The following EEF1AKMT1 variants were observed in gnomAD, a reference collection of about 807,000 sequenced individuals.
EEF1AKMT1 encodes the protein N-6 adenine-specific DNA methyltransferase 2 (putative).
Under a neutral mutation model 21.0 loss-of-function variants are expected in EEF1AKMT1, and 18 were observed. The observed-to-expected ratio is 0.86, with a 90% CI of 0.59 to 1.27. The LOEUF (loss-of-function observed/expected upper bound fraction) is 1.27. EEF1AKMT1 is among the 50% of genes most tolerant of loss of function. EEF1AKMT1 has a pLI of 0.00. For missense variants in EEF1AKMT1, 246 were observed against 258.6 expected (o/e 0.95, Z 0.33); for synonymous variants, 109 against 94.8 (o/e 1.15, Z -0.87).
intron 2 of EEF1AKMT1, among the ~76,000 whole-genome samples, chr13:20,739,360 A>T (rs535157545): frequency 1.3e-5 from 2 of 152,298 alleles, no homozygotes; most frequent in South Asian, 4.1e-4. Flanking sequence ...TGCCGCCGCT[A>T]AGCAGGGGCA....
chr13:20,736,580 C>G (rs1413732388), intron 3 of EEF1AKMT1, among the ~76,000 whole-genome samples: 4 of 151,890 alleles, frequency 2.6e-5, no homozygotes, highest in African/African-American at 9.7e-5. Context: ...ACCATGCACA[C>G]TGGGACAGGT....
intron 1 of EEF1AKMT1, among the ~76,000 whole-genome samples, chr13:20,765,407 T>TTTTTG (rs1192536114): frequency 9.6e-5 from 11 of 114,128 alleles, no homozygotes; most frequent in African/African-American, 3.7e-4. Flanking sequence ...TCCCTTGGGT[T>TTTTTG]TTTTTTTTTT....
intron 1 of EEF1AKMT1, among the ~76,000 whole-genome samples, chr13:20,773,667 G>A (rs572761742): frequency 6.6e-6 from 1 of 152,336 alleles, no homozygotes; most frequent in South Asian, 2.1e-4. Flanking sequence ...AACGTGCGCG[G>A]CACAGGACGC....
At chr13:20,770,282 T>C (rs1355434949) in intron 1 of EEF1AKMT1, among the ~76,000 whole-genome samples, 1 of 151,666 alleles carries the variant, frequency 6.6e-6, no homozygotes, top group Non-Finnish European at 1.5e-5. Context: ...GAAAGTAGAA[T>C]TGTGGTTGCT....
At chr13:20,743,874 T>C (rs915655668) in intron 2 of EEF1AKMT1, among the ~76,000 whole-genome samples, 2 of 152,060 alleles carry the variant, frequency 1.3e-5, no homozygotes, top group Non-Finnish European at 2.9e-5. Flanking sequence ...CACTGTGTGA[T>C]GTTCCCCTCC....
At chr13:20,748,728 T>TGTTG (rs1412112016) in intron 2 of EEF1AKMT1, among the ~76,000 whole-genome samples, 20 of 122,776 alleles carry the variant, frequency 1.6e-4, no homozygotes, top group South Asian at 8.9e-4. Flanking sequence ...TTTTTTTGGT[T>TGTTG]TTTTTTTTTT....
At chr13:20,761,109 C>T (rs540010553) in intron 1 of EEF1AKMT1, among the ~76,000 whole-genome samples, 3 of 152,246 alleles carry the variant, frequency 2.0e-5, no homozygotes, top group East Asian at 1.9e-4. Context: ...TATTTGCAGG[C>T]GTATGCACAT....
chr13:20,731,196 G>C (rs2058793211), intron 4 of EEF1AKMT1, among the ~76,000 whole-genome samples: 1 of 152,232 alleles, frequency 6.6e-6, no homozygotes, highest in Non-Finnish European at 1.5e-5. Context: ...AATTTTTGTA[G>C]AGATGGAGTC....
intron 2 of EEF1AKMT1, among the ~76,000 whole-genome samples, chr13:20,754,123 G>A (rs1173873039): frequency 2.0e-5 from 3 of 152,082 alleles, no homozygotes; most frequent in Non-Finnish European, 4.4e-5. Flanking sequence ...TTGCTTCAAT[G>A]CATAGGACTC....
intron 1 of EEF1AKMT1, among the ~76,000 whole-genome samples, chr13:20,761,750 T>C (rs1236894975): frequency 6.6e-6 from 1 of 152,198 alleles, no homozygotes; most frequent in African/African-American, 2.4e-5. Context: ...CATGTAGTTG[T>C]TTTTGAAATG....
chr13:20,759,308 C>T (rs563801072), intron 1 of EEF1AKMT1, among the ~76,000 whole-genome samples: 1 of 152,234 alleles, frequency 6.6e-6, no homozygotes, highest in African/African-American at 2.4e-5. Context: ...GGCCGGGCGC[C>T]GTGGCTCACG....
intron 1 of EEF1AKMT1, among the ~76,000 whole-genome samples, chr13:20,773,611 G>A (rs946326313): frequency 6.6e-6 from 1 of 152,236 alleles, no homozygotes; most frequent in African/African-American, 2.4e-5. Context: ...GTAGCCTGGG[G>A]GTTAATTTCC....
intron 1 of EEF1AKMT1, 67 bp from the exon 2 acceptor site, chr13:20,757,684 A>T (rs553223477): frequency 2.4e-5 from 32 of 1,307,386 alleles, no homozygotes; most frequent in Admixed American, 7.7e-5. Flanking sequence ...AATAATTTTT[A>T]AAAATTTTTA....
intron 2 of EEF1AKMT1, among the ~76,000 whole-genome samples, chr13:20,739,223 G>C (rs943981267): frequency 6.6e-6 from 1 of 152,166 alleles, no homozygotes; most frequent in African/African-American, 2.4e-5. Flanking sequence ...AGTGAAGCTG[G>C]AGACCTTCAC....
chr13:20,742,653 TAA>T (rs2058878405), intron 2 of EEF1AKMT1, among the ~76,000 whole-genome samples: 1 of 152,182 alleles, frequency 6.6e-6, no homozygotes, highest in Non-Finnish European at 1.5e-5. Flanking sequence ...ACCTCCTACA[TAA>T]TAATTATTCT....
At chr13:20,748,732 T>TGTTGTTGTTGTTG (rs2058924952) in intron 2 of EEF1AKMT1, among the ~76,000 whole-genome samples, 1 of 131,718 alleles carries the variant, frequency 7.6e-6, no homozygotes, top group South Asian at 2.7e-4. Context: ...TTTGGTTTTT[T>TGTTGTTGTTGTTG]TTTTTTTTTT....
chr13:20,747,290 A>G, intron 2 of EEF1AKMT1: 2 of 255,258 alleles, frequency 7.8e-6, no homozygotes, highest in Non-Finnish European at 1.6e-5. Context: ...GAGCTTTTCA[A>G]AGTTGCAGTA....
At chr13:20,757,431 T>C (rs773874807) in intron 2 of EEF1AKMT1, 24 bp downstream of exon 2, 11 of 1,613,000 alleles carry the variant, frequency 6.8e-6, no homozygotes. Context: ...TACTTCCTGA[T>C]GGCTGTGAAA....
At chr13:20,733,219 C>G (rs1038757301) in intron 3 of EEF1AKMT1, among the ~76,000 whole-genome samples, 2 of 151,842 alleles carry the variant, frequency 1.3e-5, no homozygotes, top group Admixed American at 6.6e-5. Context: ...CCTCAGCCTC[C>G]TGAGTAGCTG....
Sources: gnomAD v4.1 joint callset for allele counts (sites outside exome capture counted in the v4.1 genomes callset) on GRCh38, gnomAD v4.1.1 for gene constraint, MANE v1.5 for transcripts, NCBI Gene and HGNC (gene_info 2026-07-23, HGNC 2026-07-21) for gene names.